The following ZNF654 variants were observed in gnomAD, a reference collection of about 807,000 sequenced individuals.
ZNF654 encodes the protein melanoma-associated antigen.
ZNF654 carries 19 observed loss-of-function variants against 95.3 expected under a neutral mutation model. The ratio of observed to expected loss-of-function variants is 0.20; its 90% CI spans 0.14 to 0.29. The LOEUF is 0.29. Among genes scored for constraint, ZNF654 ranks in the 10% least tolerant of loss-of-function variants. ZNF654 has a pLI of 1.00. For synonymous variants in ZNF654, 413 were observed against 457.9 expected, an observed-to-expected ratio of 0.90 and a Z score of 1.25; for missense variants, 1,046 against 1,341.0, an observed-to-expected ratio of 0.78 and a Z score of 3.44.
chr3:88,082,121 G>A (rs1708108345), intron 1 of ZNF654, among the ~76,000 whole-genome samples: 1 of 151,158 alleles, frequency 6.6e-6, no homozygotes, highest in South Asian at 2.1e-4. Flanking sequence ...CTTCTGGTTT[G>A]TTAATCAATT....
At chr3:88,062,810 A>T (rs1170443004) in intron 1 of ZNF654, among the ~76,000 whole-genome samples, 1 of 152,214 alleles carries the variant, frequency 6.6e-6, no homozygotes, top group Non-Finnish European at 1.5e-5. Flanking sequence ...AGAAGAATAT[A>T]ATGTACTTAG....
intron 3 of ZNF654, among the ~76,000 whole-genome samples, chr3:88,124,050 G>T (rs183507551): frequency 9.5e-4 from 144 of 152,200 alleles, no homozygotes; most frequent in Non-Finnish European, 1.5e-3. Context: ...GCTTTAACAT[G>T]GTGACATGTG....
Position 88,074,636 on chromosome 3 carries a change from C to T in ZNF654, c.187-11621C>T, listed in dbSNP as rs186449400. ...GATTATAAGCGTGAGCCACTGCGCC[C>T]GGCCTGTGTCTTACTTTCTTAAGAG... is the stretch of plus-strand genomic sequence containing the variant. On this transcript the variant is annotated intron_variant, in intron 1 of 8. Transcript: ENST00000636215. Among the ~76,000 whole-genome samples the T allele has an allele frequency of 1.5e-3, 232 of 152,226 alleles. 1 individual carries two copies. Among genetic ancestry groups the T allele is most frequent in the Admixed American group, 2.9e-3 (44 of 15,294 alleles).
intron 1 of ZNF654, 44 bp downstream of exon 1, chr3:88,059,549 G>A: frequency 6.9e-7 from 1 of 1,450,678 alleles, no homozygotes; most frequent in Non-Finnish European, 9.0e-7. Flanking sequence ...CCGGGTCCTG[G>A]GCCTCTCTGC....
rs1389214698 is a variant in ZNF654, at chr3:88,143,452, T to C, written c.*1800T>C. On this transcript the variant is annotated 3_prime_UTR_variant, in exon 9 of 9. Coordinates refer to ENST00000636215, the MANE Select transcript of ZNF654 (RefSeq NM_001350134.2). Reference sequence around the variant, plus strand: ...TTCTTGATACTAAAAATGTAATGATTTTTATTTTAGTTCATTCTAAAAGTA... The same window carrying C: ...TTCTTGATACTAAAAATGTAATGATCTTTATTTTAGTTCATTCTAAAAGTA... 2 of 152,332 alleles carry C rather than the reference T, an allele frequency of 1.3e-5. No individual in the cohort carries two copies. Among genetic ancestry groups the C allele is most frequent in the African/African-American group, 2.4e-5 (1 of 41,432 alleles). The allele number at this position is 152,332 out of a possible 1,614,324, so 9.4% of individuals were successfully genotyped here. A position where few individuals can be genotyped will look rare whatever the true frequency, so the allele number is the denominator to read the frequency against.
At chr3:88,122,807 C>T (rs1410847711) in intron 3 of ZNF654, among the ~76,000 whole-genome samples, 1 of 151,738 alleles carries the variant, frequency 6.6e-6, no homozygotes, top group Non-Finnish European at 1.5e-5. Flanking sequence ...GTGAGGAGTT[C>T]GATACCAGCC....
At chr3:88,070,514 A>C (rs556109842) in intron 1 of ZNF654, among the ~76,000 whole-genome samples, 21 of 152,004 alleles carry the variant, frequency 1.4e-4, no homozygotes, top group Admixed American at 3.9e-4. Context: ...ATACCAAAAA[A>C]AGTTATGAAC....
intron 2 of ZNF654, chr3:88,095,544 T>G (rs1019850072): frequency 2.0e-6 from 1 of 509,904 alleles, no homozygotes; most frequent in African/African-American, 2.0e-5. Flanking sequence ...CAGGTCTGCT[T>G]CATCTGTCTT....
chr3:88,138,565 C>A, intron 7 of ZNF654, 140 bp from the exon 8 acceptor site: 1 of 446,466 alleles, frequency 2.2e-6, no homozygotes, highest in Non-Finnish European at 3.7e-6. Flanking sequence ...TTAAACAAGG[C>A]TACTAAATAT....
intron 4 of ZNF654, among the ~76,000 whole-genome samples, chr3:88,126,613 A>G (rs1343800680): frequency 2.3e-4 from 34 of 149,712 alleles, no homozygotes; most frequent in African/African-American, 5.9e-4. Context: ...TTAAGAAACA[A>G]AAAGTCTGCT....
At chr3:88,071,884 TTCTC>T (rs1707536054) in intron 1 of ZNF654, among the ~76,000 whole-genome samples, 1 of 152,226 alleles carries the variant, frequency 6.6e-6, no homozygotes, top group South Asian at 2.1e-4. Context: ...ACTTTTTATC[TTCTC>T]TCTTATATTT....
intron 2 of ZNF654, among the ~76,000 whole-genome samples, chr3:88,106,938 T>A (rs138293883): frequency 6.6e-6 from 1 of 152,304 alleles, no homozygotes; most frequent in African/African-American, 2.4e-5. Flanking sequence ...TGTGGTCTCT[T>A]TTTGGATTTT....
chr3:88,133,789 T>G (rs1273436402), intron 6 of ZNF654, among the ~76,000 whole-genome samples: 4 of 152,034 alleles, frequency 2.6e-5, no homozygotes, highest in African/African-American at 9.7e-5. Context: ...GAAATACATG[T>G]GTAAAATTAA....
At position 88,143,978 on chromosome 3, in the gene ZNF654, TG is replaced by T. The variant is rs1707243878; in HGVS notation, c.*2327del. The T allele has an allele frequency of 6.6e-6, 1 of 152,316 alleles. No homozygotes were observed. Among genetic ancestry groups the T allele is most frequent in the Non-Finnish European group, 1.5e-5 (1 of 67,810 alleles). 9.4% of individuals were successfully genotyped at this position (152,316 alleles called of 1,614,324 possible). On this transcript the variant is annotated 3_prime_UTR_variant, in exon 9 of 9. Coordinates refer to ENST00000636215, the MANE Select transcript of ZNF654 (RefSeq NM_001350134.2). ...GAGCGCTTCAGAAGAAAAGGAAGCT[TG>T]CTTCTTATTCCTCAGATTCTTCTTT... is the stretch of plus-strand genomic sequence containing the variant.
chr3:88,131,079 T>C (rs1463094215), intron 6 of ZNF654, among the ~76,000 whole-genome samples: 1 of 152,142 alleles, frequency 6.6e-6, no homozygotes, highest in African/African-American at 2.4e-5. Context: ...CAAACCTAGA[T>C]GGTATATCCT....
At chr3:88,070,682 A>G (rs1707461007) in intron 1 of ZNF654, among the ~76,000 whole-genome samples, 1 of 151,354 alleles carries the variant, frequency 6.6e-6, no homozygotes, top group Admixed American at 6.6e-5. Flanking sequence ...GGTTGGAGAA[A>G]GTATGGCCCA....
chr3:88,075,762 T>C (rs866024051), intron 1 of ZNF654, among the ~76,000 whole-genome samples: 1 of 152,318 alleles, frequency 6.6e-6, no homozygotes, highest in South Asian at 2.1e-4. Context: ...CCTTTTTTTT[T>C]CTCTTGGTTT....
chr3:88,059,636 A>C, intron 1 of ZNF654, 131 bp downstream of exon 1: 2 of 1,235,940 alleles, frequency 1.6e-6, no homozygotes, highest in Non-Finnish European at 2.1e-6. Context: ...GTGAGGCTGA[A>C]GCTCCCTCCT....
chr3:88,073,827 A>G (rs1017583348), intron 1 of ZNF654, among the ~76,000 whole-genome samples: 4 of 152,192 alleles, frequency 2.6e-5, no homozygotes, highest in Admixed American at 1.3e-4. Flanking sequence ...GAGTATATTT[A>G]TCCCTATTTA....
Sources: allele counts gnomAD v4.1 joint callset (sites outside exome capture counted in the v4.1 genomes callset), GRCh38; gene constraint gnomAD v4.1.1; transcripts MANE v1.5; gene names NCBI Gene and HGNC (gene_info 2026-07-23, HGNC 2026-07-21).